Variants in HCN1 observed in about 807,000 individuals in gnomAD.
The protein encoded by HCN1 is hyperpolarization activated cyclic nucleotide gated potassium channel 1, also known as potassium/sodium hyperpolarization-activated cyclic nucleotide-gated channel 1.
A neutral mutation model predicts 78.9 loss-of-function variants in HCN1; 13 were observed. That is an observed-to-expected ratio of 0.16 (90% confidence interval 0.11 to 0.26). The LOEUF is 0.26. Ranked by LOEUF, HCN1 falls within the 10% of genes least tolerant of loss-of-function variation. The probability of loss-of-function intolerance (pLI) is 1.00; values close to 1 mark genes in which losing one functional copy is unlikely to be tolerated. For synonymous variants in HCN1, 552 were observed against 455.5 expected, an observed-to-expected ratio of 1.21 and a Z score of -2.70; for missense variants, 810 against 1,154.3, an observed-to-expected ratio of 0.70 and a Z score of 4.32.
At chr5:45,527,204 G>T (rs1033559156) in intron 2 of HCN1, among the ~76,000 whole-genome samples, 7 of 137,530 alleles carry the variant, frequency 5.1e-5, no homozygotes, top group Non-Finnish European at 8.0e-5. Context: ...AATAGAATGC[G>T]AGGGGACTGA....
At chr5:45,685,340 AT>A (rs1444353139) in intron 1 of HCN1, among the ~76,000 whole-genome samples, 1 of 152,226 alleles carries the variant, frequency 6.6e-6, no homozygotes, top group African/African-American at 2.4e-5. Flanking sequence ...CCTAAAAGCT[AT>A]TTCCAAATGT....
chr5:45,626,521 A>G (rs1290227324), intron 2 of HCN1, among the ~76,000 whole-genome samples: 4 of 152,148 alleles, frequency 2.6e-5, no homozygotes, highest in Non-Finnish European at 4.4e-5. Context: ...GCCAACAAAC[A>G]AAGACTCATG....
intron 2 of HCN1, among the ~76,000 whole-genome samples, chr5:45,609,140 CG>C (rs201700943): frequency 0.012 from 1,783 of 152,086 alleles, 36 homozygotes; most frequent in African/African-American, 0.04. Flanking sequence ...AATACTGTAT[CG>C]ATTTCTTGGA....
chr5:45,584,180 C>T lies in HCN1; in HGVS notation c.849+61005G>A, dbSNP rs549730783. Among the ~76,000 whole-genome samples, 11 of 152,208 alleles carry T rather than the reference C, an allele frequency of 7.2e-5. No individual in the cohort carries two copies. The South Asian group carries it at 2.1e-3, about 29-fold the overall frequency. Reference sequence around the variant, plus strand: ...TGGGAGTCTAAGTCTCTTTGTGGGTCTCTAAGGACTTGCTTTATGAATCTG... The same window carrying T: ...TGGGAGTCTAAGTCTCTTTGTGGGTTTCTAAGGACTTGCTTTATGAATCTG... On this transcript the variant is annotated intron_variant, in intron 2 of 7. Transcript: ENST00000303230.
chr5:45,272,686 A>T lies in HCN1; in HGVS notation c.1619-5433T>A, dbSNP rs549485447. ...AATGTTTTACGTACTTTCTTTGAGG[A>T]ACATAACATATCTCTGAGGTTTTGT... On this transcript the variant is annotated intron_variant, in intron 6 of 7. Transcript: ENST00000303230. Among the ~76,000 whole-genome samples, 3 of 152,238 alleles carry T rather than the reference A, an allele frequency of 2.0e-5. No individual in the cohort carries two copies. In the South Asian group the frequency reaches 6.2e-4, roughly 32 times the overall value.
At chr5:45,504,347 G>A (rs562894559) in intron 2 of HCN1, among the ~76,000 whole-genome samples, 30 of 152,100 alleles carry the variant, frequency 2.0e-4, no homozygotes, top group African/African-American at 5.3e-4. Context: ...GAGAACATTC[G>A]GTGTTTGGTT....
intron 3 of HCN1, among the ~76,000 whole-genome samples, chr5:45,450,316 A>G (rs536447319): frequency 6.6e-6 from 1 of 152,334 alleles, no homozygotes; most frequent in African/African-American, 2.4e-5. Flanking sequence ...CTGGACCTTA[A>G]TATATCAGTA....
At chr5:45,335,459 T>C (rs937289759) in intron 5 of HCN1, among the ~76,000 whole-genome samples, 7 of 152,190 alleles carry the variant, frequency 4.6e-5, no homozygotes, top group African/African-American at 1.7e-4. Flanking sequence ...TCCAGGAAAC[T>C]GGCTGATAAA....
chr5:45,479,098 G>A (rs1409335757), intron 2 of HCN1, among the ~76,000 whole-genome samples: 1 of 151,152 alleles, frequency 6.6e-6, no homozygotes, highest in Non-Finnish European at 1.5e-5. Context: ...CTGCACTCCA[G>A]CCTGGGCTAC....
chr5:45,542,469 T>C (rs1743123965), intron 2 of HCN1, among the ~76,000 whole-genome samples: 1 of 152,114 alleles, frequency 6.6e-6, no homozygotes, highest in Non-Finnish European at 1.5e-5. Context: ...TTTAGCACTA[T>C]TTTTAGCCAA....
At chr5:45,694,417 G>A (rs1739966677) in intron 1 of HCN1, among the ~76,000 whole-genome samples, 1 of 152,188 alleles carries the variant, frequency 6.6e-6, no homozygotes, top group African/African-American at 2.4e-5. Context: ...GAGCCTTTGT[G>A]TGGCGGGACT....
intron 2 of HCN1, among the ~76,000 whole-genome samples, chr5:45,591,044 T>A (rs1744349468): frequency 6.6e-6 from 1 of 151,830 alleles, no homozygotes; most frequent in South Asian, 2.1e-4. Flanking sequence ...CTTCAAGCAA[T>A]CCTCCCACCT....
intron 4 of HCN1, among the ~76,000 whole-genome samples, chr5:45,358,093 G>A (rs370090875): frequency 7.9e-5 from 12 of 151,998 alleles, no homozygotes; most frequent in African/African-American, 2.9e-4. Flanking sequence ...TCAGAATTGT[G>A]AGCCAAATAA....
intron 5 of HCN1, among the ~76,000 whole-genome samples, chr5:45,319,475 A>C (rs1746076416): frequency 1.3e-5 from 2 of 151,874 alleles, no homozygotes; most frequent in Non-Finnish European, 2.9e-5. Context: ...CTCATTATGC[A>C]CATTTTCCTA....
chr5:45,307,259 TA>T (rs1204605504), intron 5 of HCN1, among the ~76,000 whole-genome samples: 1 of 152,176 alleles, frequency 6.6e-6, no homozygotes, highest in Non-Finnish European at 1.5e-5. Context: ...GCTTTCTGTT[TA>T]AATTCCAAAT....
At chr5:45,692,086 G>C (rs1171862119) in intron 1 of HCN1, among the ~76,000 whole-genome samples, 1 of 152,212 alleles carries the variant, frequency 6.6e-6, no homozygotes, top group South Asian at 2.1e-4. Flanking sequence ...GTGTAAGCAT[G>C]ATGGAACAAA....
chr5:45,691,695 G>A (rs188462357), intron 1 of HCN1, among the ~76,000 whole-genome samples: 5 of 152,232 alleles, frequency 3.3e-5, no homozygotes, highest in Admixed American at 6.5e-5. Flanking sequence ...AGGCTAATTC[G>A]TCTTTAAACC....
At chr5:45,510,891 TC>T (rs35319946) in intron 2 of HCN1, among the ~76,000 whole-genome samples, 37,151 of 151,952 alleles carry the variant, frequency 0.24, 4,655 homozygotes, top group East Asian at 0.32. Context: ...ATTGTTGGTG[TC>T]CATATCCAGT....
Position 45,592,481 on chromosome 5 carries a change from T to C in HCN1, c.849+52704A>G, listed in dbSNP as rs535008341. 2.1e-4 allele frequency among the ~76,000 whole-genome samples: 32 copies of C among 152,304 alleles called. 1 individual carries two copies. The highest frequency in any genetic ancestry group is 7.2e-4 in the African/African-American group (30 of 41,594). ...AATAATAGATGATACTAATTAGCTA[T>C]TGATTTTCAATTAATCTATGTATTA... On this transcript the variant is annotated intron_variant, in intron 2 of 7. Coordinates refer to ENST00000303230, the MANE Select transcript of HCN1 (RefSeq NM_021072.4).
Sources: gnomAD v4.1 joint callset for allele counts (sites outside exome capture counted in the v4.1 genomes callset) on GRCh38, gnomAD v4.1.1 for gene constraint, MANE v1.5 for transcripts, NCBI Gene and HGNC (gene_info 2026-07-23, HGNC 2026-07-21) for gene names.